RALGAPA1: variants seen among roughly 807,000 people sequenced by gnomAD.
RALGAPA1 encodes Ral GTPase activating protein catalytic subunit alpha 1.
In RALGAPA1, 52 loss-of-function variants were observed where a neutral mutation model predicts 269.6. The observed-to-expected ratio is 0.19, with a 90% CI of 0.15 to 0.24. The LOEUF (loss-of-function observed/expected upper bound fraction) is 0.24. Among genes scored for constraint, RALGAPA1 ranks in the 10% least tolerant of loss-of-function variants. RALGAPA1 has a pLI of 1.00. For synonymous variants in RALGAPA1, 817 were observed against 1,008.3 expected, an observed-to-expected ratio of 0.81 and a Z score of 3.60; for missense variants, 1,917 against 3,013.9, an observed-to-expected ratio of 0.64 and a Z score of 8.52.
chr14:35,581,314 G>A (rs933333782), intron 37 of RALGAPA1, among the ~76,000 whole-genome samples: 1 of 152,114 alleles, frequency 6.6e-6, no homozygotes, highest in Non-Finnish European at 1.5e-5. Flanking sequence ...GGAAACATCA[G>A]TATATAGAGA....
chr14:35,595,838 C>T (rs555550452), intron 36 of RALGAPA1, 49 bp from the exon 37 acceptor site: 2 of 1,493,274 alleles, frequency 1.3e-6, no homozygotes, highest in East Asian at 4.6e-5. Context: ...AACCCAAATA[C>T]ACTACAGAGA....
rs544512840 is a variant in RALGAPA1, at chr14:35,765,472, T to C, written c.326-2719A>G. ...ATATATATTTAATATTGATAAATAT[T>C]GTGTGATATTGATATTTATATATAT... On this transcript the variant is annotated intron_variant, in intron 4 of 41. Coordinates refer to ENST00000680220, the MANE Select transcript of RALGAPA1 (RefSeq NM_001346249.2). 5.3e-5 allele frequency among the ~76,000 whole-genome samples: 8 copies of C among 152,130 alleles called. No homozygotes were observed. In the East Asian group the frequency reaches 1.3e-3, roughly 26 times the overall value.
At chr14:35,672,775 T>C (rs562977228) in intron 25 of RALGAPA1, 92 bp downstream of exon 25, 1 of 1,232,128 alleles carries the variant, frequency 8.1e-7, no homozygotes, top group South Asian at 1.9e-5. Context: ...GTTTAACTTC[T>C]AGACCTTAAA....
chr14:35,546,859 G>A (rs2054506063), intron 41 of RALGAPA1, among the ~76,000 whole-genome samples: 1 of 152,022 alleles, frequency 6.6e-6, no homozygotes, highest in South Asian at 2.1e-4. Flanking sequence ...ACTTATGACA[G>A]AAAAGTTAAG....
chr14:35,544,716 C>T (rs1467282261), intron 41 of RALGAPA1, among the ~76,000 whole-genome samples: 1 of 152,110 alleles, frequency 6.6e-6, no homozygotes, highest in Non-Finnish European at 1.5e-5. Context: ...TCAGGCTAAT[C>T]TAATGATAAA....
At chr14:35,781,419 T>C (rs1239278514) in intron 1 of RALGAPA1, among the ~76,000 whole-genome samples, 1 of 152,182 alleles carries the variant, frequency 6.6e-6, no homozygotes, top group African/African-American at 2.4e-5. Flanking sequence ...GGGTGAATCC[T>C]ACCAACTCTT....
rs2274068 is a variant in RALGAPA1, at chr14:35,683,971, T to C, written c.4309A>G (p.Thr1437Ala). 0.23 allele frequency: 366,751 copies of C among 1,602,726 alleles called. 56,412 individuals carry two copies. The highest frequency in any genetic ancestry group is 0.68 in the African/African-American group (50,238 of 74,364). Reference protein sequence around the residue: ...GRKFDNFGFGTDTGVTSSADV... With the variant: ...GRKFDNFGFGADTGVTSSADV... The stretch of plus-strand genomic sequence containing the variant: ...GCAGAGGACGTAACCCCAGTGTCGG[T>C]TCCAAAGCCAAAATCTATAGGAAGA... Residue 1437 changes from threonine (T) to alanine (A), a missense_variant, in exon 21 of 42, where the codon ACC becomes GCC. Physicochemically the swap from Thr to Ala is moderately conservative, Grantham distance 58 (BLOSUM62 0). Around this residue, in one of 11 missense-constraint regions of RALGAPA1, gnomAD observed 615 missense variants for 790.0 expected, o/e 0.78. Transcript: ENST00000680220.
chr14:35,754,324 A>G (rs1274538283), intron 7 of RALGAPA1, among the ~76,000 whole-genome samples: 2 of 152,172 alleles, frequency 1.3e-5, no homozygotes, highest in Admixed American at 1.3e-4. Context: ...TATTTGCAAA[A>G]CATACATCTG....
At chr14:35,697,007 AT>A in intron 17 of RALGAPA1, among the ~76,000 whole-genome samples, 1 of 152,262 alleles carries the variant, frequency 6.6e-6, no homozygotes, top group South Asian at 2.1e-4. Context: ...GATTTTGGTG[AT>A]TGTTTTTTAA....
At chr14:35,597,480 C>T (rs1366139815) in intron 36 of RALGAPA1, among the ~76,000 whole-genome samples, 2 of 152,102 alleles carry the variant, frequency 1.3e-5, no homozygotes, top group Non-Finnish European at 2.9e-5. Flanking sequence ...AAACACTTCA[C>T]ATTTGCTGAT....
chr14:35,686,392 A>C (rs2065934153), intron 19 of RALGAPA1, 150 bp downstream of exon 19: 1 of 561,270 alleles, frequency 1.8e-6, no homozygotes, highest in Non-Finnish European at 2.8e-6. Flanking sequence ...GTAATTCAAA[A>C]ATCTTAATTC....
At chr14:35,654,805 C>G (rs988668051) in intron 29 of RALGAPA1, among the ~76,000 whole-genome samples, 8 of 152,128 alleles carry the variant, frequency 5.3e-5, no homozygotes, top group African/African-American at 2.4e-5. Context: ...ACCACACTTC[C>G]AAATTAATCT....
At chr14:35,766,170 T>C in intron 4 of RALGAPA1, 1 of 860,402 alleles carries the variant, frequency 1.2e-6, no homozygotes, top group Non-Finnish European at 2.0e-6. Context: ...CAAACCAAAC[T>C]ATGGCTTAGT....
intron 16 of RALGAPA1, chr14:35,715,669 T>C: frequency 4.2e-6 from 4 of 958,804 alleles, no homozygotes; most frequent in Non-Finnish European, 5.0e-6. Context: ...AGAGGTAATT[T>C]GTGTTTGCTT....
chr14:35,656,549 G>A (rs181987409), intron 28 of RALGAPA1, among the ~76,000 whole-genome samples: 67 of 152,256 alleles, frequency 4.4e-4, no homozygotes, highest in Non-Finnish European at 9.0e-4. Context: ...TTCTATTAGT[G>A]TGTTCAAGTT....
intron 1 of RALGAPA1, among the ~76,000 whole-genome samples, chr14:35,796,215 T>C (rs1434677534): frequency 6.6e-6 from 1 of 151,944 alleles, no homozygotes; most frequent in East Asian, 1.9e-4. Flanking sequence ...CAAGATGAAC[T>C]AGATAAAAAC....
intron 1 of RALGAPA1, among the ~76,000 whole-genome samples, chr14:35,792,180 A>G (rs1461599785): frequency 2.0e-5 from 3 of 151,948 alleles, no homozygotes; most frequent in Non-Finnish European, 4.4e-5. Flanking sequence ...TTTTTGAGAC[A>G]GAGTCTTGCT....
chr14:35,796,861 C>G (rs139407761), intron 1 of RALGAPA1, among the ~76,000 whole-genome samples: 2,370 of 151,922 alleles, frequency 0.016, 25 homozygotes, highest in South Asian at 0.031. Flanking sequence ...GATCTTGGCT[C>G]ACTGCAACCT....
intron 39 of RALGAPA1, among the ~76,000 whole-genome samples, chr14:35,563,370 T>C (rs1294099926): frequency 1.3e-5 from 2 of 152,062 alleles, no homozygotes; most frequent in Non-Finnish European, 2.9e-5. Flanking sequence ...AACATGGGCC[T>C]GAAAAAGAAG....
Sources: gnomAD v4.1 joint callset for allele counts (sites outside exome capture counted in the v4.1 genomes callset) on GRCh38, gnomAD v4.1.1 for gene constraint, gnomAD v4.1.1 regional missense constraint, MANE v1.5 for transcripts, NCBI Gene and HGNC (gene_info 2026-07-23, HGNC 2026-07-21) for gene names.